The following DNAH5 variants were observed in gnomAD, a reference collection of about 807,000 sequenced individuals.
DNAH5 encodes the protein axonemal beta dynein heavy chain 5.
A neutral mutation model predicts 518.2 loss-of-function variants in DNAH5; 372 were observed. The ratio of observed to expected loss-of-function variants is 0.72; its 90% CI spans 0.66 to 0.78. DNAH5 has a LOEUF of 0.78. Among genes scored for constraint, DNAH5 ranks in the 30% least tolerant of loss-of-function variants. DNAH5 has a pLI of 0.00. For synonymous variants in DNAH5, 2,039 were observed against 2,025.9 expected (o/e 1.01, Z -0.17); for missense variants, 5,523 against 5,687.0 (o/e 0.97, Z 0.93).
intron 41 of DNAH5, 53 bp downstream of exon 41, chr5:13,820,293 G>A (rs947171001): frequency 3.8e-6 from 6 of 1,593,644 alleles, no homozygotes; most frequent in Non-Finnish European, 5.1e-6. Context: ...ATTCAAATGG[G>A]TCACCACTAC....
chr5:13,924,973 G>A (rs372434965), intron 3 of DNAH5, among the ~76,000 whole-genome samples: 2 of 152,282 alleles, frequency 1.3e-5, no homozygotes, highest in South Asian at 2.1e-4. Flanking sequence ...GGAGGATGGC[G>A]CTAATGGTGG....
chr5:13,842,941 T>C (rs1765487874), intron 32 of DNAH5, among the ~76,000 whole-genome samples: 4 of 152,128 alleles, frequency 2.6e-5, no homozygotes, highest in Non-Finnish European at 5.9e-5. Flanking sequence ...ACACAGTAAA[T>C]AAGATACTGA....
chr5:13,795,660 A>C (rs1036234758), intron 47 of DNAH5, among the ~76,000 whole-genome samples: 1 of 152,220 alleles, frequency 6.6e-6, no homozygotes, highest in Non-Finnish European at 1.5e-5. Context: ...AAACTATTCC[A>C]ATCAATAGAA....
intron 35 of DNAH5, among the ~76,000 whole-genome samples, chr5:13,837,300 G>A (rs548558432): frequency 1.5e-3 from 236 of 152,308 alleles, no homozygotes; most frequent in African/African-American, 5.3e-3. Flanking sequence ...GCTTTTGAGG[G>A]GTTTTGAAGG....
Position 13,922,598 on chromosome 5 carries a change from G to C in DNAH5, c.439-270C>G, listed in dbSNP as rs12657602. 0.33 allele frequency among the ~76,000 whole-genome samples: 50,206 copies of C among 151,448 alleles called. 9,255 individuals carry two copies. Among genetic ancestry groups the C allele is most frequent in the East Asian group, 0.76 (3,891 of 5,106 alleles). On this transcript the variant is annotated intron_variant, in intron 4 of 78. Coordinates refer to ENST00000265104, the MANE Select transcript of DNAH5 (RefSeq NM_001369.3). ...AAAAATTAGGCTGGTGTGGTGGCAG[G>C]CACCTGTAATCCCAGCTACTCAGGA...
rs1220355850 is a variant in DNAH5, at chr5:13,770,755, G to T, written c.9599C>A (p.Ala3200Asp). 1 of 1,613,490 alleles carries T rather than the reference G, an allele frequency of 6.2e-7. No homozygotes were observed. Among genetic ancestry groups the T allele is most frequent in the Admixed American group, 1.7e-5 (1 of 59,982 alleles). The change falls in exon 56 of 79, where the codon GCC (alanine) becomes GAC (aspartate). Residue 3200 changes from alanine to aspartate, a missense_variant. By Grantham distance (126) the Ala-to-Asp change is moderately radical (BLOSUM62 -2). Coordinates refer to ENST00000265104, the MANE Select transcript of DNAH5 (RefSeq NM_001369.3). ...GEKHVEVRTL[A>D]NRMNTGLEKL... ...ATAAGAACATCACACTTACCTGTTG[G>T]CCAGGGTCCGCACCTCCACATGCTT...
intron 11 of DNAH5, among the ~76,000 whole-genome samples, chr5:13,912,883 A>T (rs13169928): frequency 0.44 from 66,016 of 151,514 alleles, 15,159 homozygotes; most frequent in East Asian, 0.85. Context: ...TTCTTGACAG[A>T]TATTTATTGC....
Position 13,900,358 on chromosome 5 carries a change from T to G in DNAH5, c.2107A>C (p.Thr703Pro). 6.2e-7 allele frequency: 1 copy of G among 1,614,206 alleles called. No homozygotes were observed. Among genetic ancestry groups the G allele is most frequent in the South Asian group, 1.1e-5 (1 of 91,082 alleles). ...TCAAAGTTTACAAACAATTCCCCTG[T>G]GCCTGGAGCCTTCACCAATAATGAA... ...EASLLVKAPG[T>P]GELFVNFDPQ... Residue 703 changes from threonine to proline, a missense_variant, in exon 15 of 79, where the codon ACA becomes CCA. Around this residue, in one of 3 missense-constraint regions of DNAH5, gnomAD observed 5,121 missense variants for 5,223.3 expected, o/e 0.98. Coordinates refer to ENST00000265104, the MANE Select transcript of DNAH5 (RefSeq NM_001369.3).
chr5:13,849,943 G>A (rs530083942), intron 31 of DNAH5, among the ~76,000 whole-genome samples: 172 of 152,274 alleles, frequency 1.1e-3, no homozygotes, highest in African/African-American at 3.9e-3. Context: ...GTCCCGCAGT[G>A]CACAGGACAA....
intron 1 of DNAH5, among the ~76,000 whole-genome samples, chr5:13,968,339 C>T (rs1781663824): frequency 6.6e-6 from 1 of 152,064 alleles, no homozygotes; most frequent in Non-Finnish European, 1.5e-5. Context: ...GCTAGGATTT[C>T]CAGTACTATG....
At chr5:13,900,826 C>G (rs1774505263) in intron 14 of DNAH5, 1 of 301,704 alleles carries the variant, frequency 3.3e-6, no homozygotes, top group African/African-American at 2.2e-5. Context: ...CGCATCCTGA[C>G]AGCCTACAAA....
At chr5:13,959,467 AG>A (rs1164846004) in intron 1 of DNAH5, among the ~76,000 whole-genome samples, 2 of 152,226 alleles carry the variant, frequency 1.3e-5, no homozygotes, top group African/African-American at 2.4e-5. Flanking sequence ...ACCAGCCCCA[AG>A]TCAGAACCAG....
chr5:13,717,991 A>G (rs1561104048), intron 72 of DNAH5, among the ~76,000 whole-genome samples: 1 of 152,060 alleles, frequency 6.6e-6, no homozygotes, highest in Non-Finnish European at 1.5e-5. Flanking sequence ...ATACATATGC[A>G]TATACTATAT....
In DNAH5 at chr5:13,690,366, A is replaced by G. The variant is rs1740583748; in HGVS notation, c.*1618T>C. On this transcript the variant is annotated 3_prime_UTR_variant, in exon 79 of 79. Coordinates refer to ENST00000265104, the MANE Select transcript of DNAH5 (RefSeq NM_001369.3). ...TTTTATTAATTCCTATGATGTTGAC[A>G]TTTTCATTACTTGCTTTTCAAAATG... The G allele has an allele frequency of 1.3e-5, 2 of 152,212 alleles. No individual in the cohort carries two copies. The highest frequency in any genetic ancestry group is 2.9e-5 in the Non-Finnish European group (2 of 68,038). The allele number at this position is 152,212 out of a possible 1,614,324, so 9.4% of individuals were successfully genotyped here. A position where few individuals can be genotyped will look rare whatever the true frequency, so the allele number is the denominator to read the frequency against.
intron 53 of DNAH5, among the ~76,000 whole-genome samples, chr5:13,779,309 G>A (rs1163953265): frequency 6.6e-6 from 1 of 152,176 alleles, no homozygotes; most frequent in Non-Finnish European, 1.5e-5. Flanking sequence ...GAATAAAACA[G>A]TAATCTTTGG....
intron 65 of DNAH5, among the ~76,000 whole-genome samples, chr5:13,744,475 C>T (rs866075288): frequency 2.0e-5 from 3 of 151,616 alleles, no homozygotes; most frequent in East Asian, 1.9e-4. Flanking sequence ...TCAAATAGTT[C>T]GAAGGAGAAT....
At chr5:13,748,002 A>T (rs2126674963) in intron 65 of DNAH5, among the ~76,000 whole-genome samples, 1 of 152,298 alleles carries the variant, frequency 6.6e-6, no homozygotes, top group South Asian at 2.1e-4. Flanking sequence ...TAGGGTTTTT[A>T]TAGTTTTAGG....
intron 1 of DNAH5, among the ~76,000 whole-genome samples, chr5:14,001,449 C>T (rs896226959): frequency 1.3e-5 from 2 of 151,382 alleles, no homozygotes; most frequent in African/African-American, 4.9e-5. Context: ...CTGCCAACTC[C>T]GCCTCCTGGG....
Position 13,793,622 on chromosome 5 carries a change from A to G in DNAH5, c.8117T>C (p.Met2706Thr), listed in dbSNP as rs199683491. 3.2e-5 allele frequency: 51 copies of G among 1,614,034 alleles called. No individual in the cohort carries two copies. Among genetic ancestry groups the G allele is most frequent in the Non-Finnish European group, 4.2e-5 (49 of 1,180,018 alleles). The change falls in exon 49 of 79, where the codon ATG becomes ACG. Residue 2706 changes from methionine to threonine, a missense_variant. This residue lies in a region of DNAH5 where 5,121 missense variants were observed against 5,223.3 expected (regional missense o/e 0.98). Transcript: ENST00000265104. ...ATTGCGTCCACCACCAGGATGGATC[A>G]TGGCTGCCAAAAACTGGATGTCCAC... ...SIVDIQFLAA[M>T]IHPGGGRNDI...
Sources: gnomAD v4.1 joint callset for allele counts (sites outside exome capture counted in the v4.1 genomes callset) on GRCh38, gnomAD v4.1.1 for gene constraint, gnomAD v4.1.1 regional missense constraint, MANE v1.5 for transcripts, NCBI Gene and HGNC (gene_info 2026-07-23, HGNC 2026-07-21) for gene names.